SDHAF3: variants seen among roughly 807,000 people sequenced by gnomAD.
SDHAF3 encodes the protein succinate dehydrogenase assembly factor 3, mitochondrial.
Under a neutral mutation model 11.5 loss-of-function variants are expected in SDHAF3, and 18 were observed. That is an observed-to-expected ratio of 1.56 (90% CI 1.08 to 2.32). SDHAF3 has a LOEUF of 2.32. Among genes scored for constraint, SDHAF3 ranks in the 30% most tolerant of loss-of-function variants. The probability of loss-of-function intolerance (pLI) is 0.00; values close to 1 mark genes in which losing one functional copy is unlikely to be tolerated. For missense variants in SDHAF3, 200 were observed against 154.4 expected, an observed-to-expected ratio of 1.30 and a Z score of -1.57; for synonymous variants, 72 against 59.3, an observed-to-expected ratio of 1.21 and a Z score of -0.99.
chr7:97,156,799 A>C (rs1019313163), intron 1 of SDHAF3, among the ~76,000 whole-genome samples: 2 of 152,080 alleles, frequency 1.3e-5, no homozygotes, highest in African/African-American at 4.8e-5. Flanking sequence ...TTAATGTTTT[A>C]CATATATATT....
intron 1 of SDHAF3, among the ~76,000 whole-genome samples, chr7:97,179,299 T>C (rs1020423090): frequency 1.4e-4 from 22 of 152,330 alleles, no homozygotes; most frequent in African/African-American, 5.1e-4. Context: ...TAGAGCTCCT[T>C]AGTTGTCCAT....
chr7:97,125,477 C>T (rs1003819759), intron 1 of SDHAF3, among the ~76,000 whole-genome samples: 9 of 151,232 alleles, frequency 6.0e-5, no homozygotes, highest in Non-Finnish European at 1.3e-4. Context: ...CTCAATCAAT[C>T]GTAGGCTTGG....
intron 1 of SDHAF3, among the ~76,000 whole-genome samples, chr7:97,169,080 C>T (rs191936532): frequency 1.4e-3 from 219 of 152,162 alleles, no homozygotes; most frequent in African/African-American, 5.2e-3. Context: ...GCCTGTAATC[C>T]CAGCACTTTG....
chr7:97,135,515 C>CT (rs1405269858), intron 1 of SDHAF3: 2 of 154,686 alleles, frequency 1.3e-5, no homozygotes, highest in Non-Finnish European at 2.9e-5. Context: ...GAAAGTAGAT[C>CT]TTAGCCCATT....
chr7:97,133,203 G>GA (rs1791696277), intron 1 of SDHAF3, among the ~76,000 whole-genome samples: 1 of 152,254 alleles, frequency 6.6e-6, no homozygotes, highest in Admixed American at 6.5e-5. Flanking sequence ...TATGTCTGCA[G>GA]AAAAAATTTG....
chr7:97,169,170 A>G (rs868331099), intron 1 of SDHAF3, among the ~76,000 whole-genome samples: 27 of 152,254 alleles, frequency 1.8e-4, no homozygotes, highest in African/African-American at 5.8e-4. Flanking sequence ...TACTAAAAAT[A>G]CAAAAGTTAG....
intron 1 of SDHAF3, among the ~76,000 whole-genome samples, chr7:97,147,180 C>T (rs765802665): frequency 2.6e-5 from 4 of 152,130 alleles, no homozygotes; most frequent in Non-Finnish European, 5.9e-5. Flanking sequence ...AAATCATAGG[C>T]CTTTTCAATT....
At chr7:97,132,204 C>T (rs978448069) in intron 1 of SDHAF3, among the ~76,000 whole-genome samples, 1 of 152,136 alleles carries the variant, frequency 6.6e-6, no homozygotes, top group East Asian at 1.9e-4. Context: ...CAGCTACTAG[C>T]GCCTTATATA....
intron 1 of SDHAF3, among the ~76,000 whole-genome samples, chr7:97,179,153 G>A (rs1236397030): frequency 6.6e-6 from 1 of 152,152 alleles, no homozygotes; most frequent in East Asian, 1.9e-4. Context: ...GGCTATATAT[G>A]TAAGGATTTA....
At chr7:97,175,908 C>T (rs1242053793) in intron 1 of SDHAF3, among the ~76,000 whole-genome samples, 1 of 152,126 alleles carries the variant, frequency 6.6e-6, no homozygotes, top group Admixed American at 6.6e-5. Context: ...CTGGAGAGGC[C>T]TAATTAAAGA....
chr7:97,134,158 C>T (rs1381830131), intron 1 of SDHAF3, among the ~76,000 whole-genome samples: 1 of 152,210 alleles, frequency 6.6e-6, no homozygotes, highest in African/African-American at 2.4e-5. Context: ...GCAAAAACAG[C>T]TACAGCAGCT....
chr7:97,121,443 TC>T (rs1331640929), intron 1 of SDHAF3, among the ~76,000 whole-genome samples: 2 of 152,240 alleles, frequency 1.3e-5, no homozygotes, highest in Non-Finnish European at 2.9e-5. Flanking sequence ...CTTGCCTAGT[TC>T]CTGTTGTTTT....
At chr7:97,173,726 G>A (rs150761410) in intron 1 of SDHAF3, among the ~76,000 whole-genome samples, 3,787 of 151,514 alleles carry the variant, frequency 0.025, 148 homozygotes, top group African/African-American at 0.087. Flanking sequence ...CTAATTTTTT[G>A]TATTTTTAGT....
chr7:97,120,628 CTT>C (rs1791477429), intron 1 of SDHAF3, among the ~76,000 whole-genome samples: 1 of 151,860 alleles, frequency 6.6e-6, no homozygotes, highest in Non-Finnish European at 1.5e-5. Context: ...TTGAATATAA[CTT>C]AATGGTTACG....
chr7:97,135,947 A>G (rs1431607408), intron 1 of SDHAF3, among the ~76,000 whole-genome samples: 1 of 151,882 alleles, frequency 6.6e-6, no homozygotes, highest in Non-Finnish European at 1.5e-5. Flanking sequence ...TCGGCCTCCC[A>G]AAGTGCTGGG....
intron 1 of SDHAF3, among the ~76,000 whole-genome samples, chr7:97,121,033 A>G (rs773289870): frequency 6.6e-6 from 1 of 152,236 alleles, no homozygotes; most frequent in Non-Finnish European, 1.5e-5. Flanking sequence ...ATTTCTCACC[A>G]TAAGAGAAAA....
At chr7:97,172,626 T>C (rs1183243955) in intron 1 of SDHAF3, among the ~76,000 whole-genome samples, 1 of 152,156 alleles carries the variant, frequency 6.6e-6, no homozygotes, top group Non-Finnish European at 1.5e-5. Flanking sequence ...CTGTGGGGAA[T>C]TTCAATGATT....
chr7:97,172,631 A>G (rs531216842), intron 1 of SDHAF3, among the ~76,000 whole-genome samples: 18 of 152,328 alleles, frequency 1.2e-4, no homozygotes, highest in South Asian at 1.0e-3. Context: ...GGGAATTTCA[A>G]TGATTTACAT....
chr7:97,153,278 TTA>T (rs1222724835), intron 1 of SDHAF3, among the ~76,000 whole-genome samples: 1 of 152,232 alleles, frequency 6.6e-6, no homozygotes, highest in Admixed American at 6.5e-5. Flanking sequence ...TTCTGGCGTG[TTA>T]CATGTTGGAA....
Sources: gnomAD v4.1 joint callset for allele counts (sites outside exome capture counted in the v4.1 genomes callset) on GRCh38, gnomAD v4.1.1 for gene constraint, MANE v1.5 for transcripts, NCBI Gene and HGNC (gene_info 2026-07-23, HGNC 2026-07-21) for gene names.